Variants in TTLL11 observed in about 807,000 individuals in gnomAD.
TTLL11 encodes the protein tubulin tyrosine ligase like 11.
TTLL11 carries 42 observed loss-of-function variants against 51.7 expected under a neutral mutation model. The ratio of observed to expected loss-of-function variants is 0.81; its 90% CI spans 0.64 to 1.05. The LOEUF (loss-of-function observed/expected upper bound fraction) is 1.05, where lower values mean the gene tolerates loss of function less well. Ranked by LOEUF, TTLL11 falls within the 50% of genes least tolerant of loss-of-function variation. TTLL11 has a pLI of 0.00. For synonymous variants in TTLL11, 381 were observed against 383.5 expected (o/e 0.99, Z 0.08); for missense variants, 799 against 940.4 (o/e 0.85, Z 1.97).
chr9:121,840,050 G>A (rs7040163), intron 8 of TTLL11, among the ~76,000 whole-genome samples: 3,891 of 152,322 alleles, frequency 0.026, 104 homozygotes, highest in African/African-American at 0.072. Context: ...TTGTCACTTT[G>A]TCAGAGAGAA....
At chr9:121,934,134 G>A (rs941067655) in intron 6 of TTLL11, among the ~76,000 whole-genome samples, 1 of 152,100 alleles carries the variant, frequency 6.6e-6, no homozygotes, top group Non-Finnish European at 1.5e-5. Flanking sequence ...TTGGGAGGCT[G>A]AGGCAGGAGA....
At chr9:121,836,145 CT>C (rs1588057805) in intron 8 of TTLL11, among the ~76,000 whole-genome samples, 1 of 152,136 alleles carries the variant, frequency 6.6e-6, no homozygotes, top group African/African-American at 2.4e-5. Context: ...TTTATGGCCC[CT>C]GATTGTCTGT....
intron 6 of TTLL11, among the ~76,000 whole-genome samples, chr9:121,916,104 G>A (rs1840315924): frequency 6.6e-6 from 1 of 151,676 alleles, no homozygotes; most frequent in East Asian, 1.9e-4. Flanking sequence ...CATCATCAGA[G>A]GATTAATTAT....
At chr9:121,984,208 C>T (rs949739989) in intron 4 of TTLL11, among the ~76,000 whole-genome samples, 5 of 152,078 alleles carry the variant, frequency 3.3e-5, no homozygotes, top group African/African-American at 1.2e-4. Flanking sequence ...AGATGGTTTT[C>T]AAACTATACT....
chr9:122,007,818 TAACAGG>T (rs1321786519), intron 3 of TTLL11, among the ~76,000 whole-genome samples: 2 of 151,892 alleles, frequency 1.3e-5, no homozygotes, highest in Non-Finnish European at 2.9e-5. Flanking sequence ...GTCTGAGGAG[TAACAGG>T]ACATTACGTA....
intron 8 of TTLL11, among the ~76,000 whole-genome samples, chr9:121,846,549 T>C (rs1837519380): frequency 6.6e-6 from 1 of 152,250 alleles, no homozygotes; most frequent in South Asian, 2.1e-4. Flanking sequence ...CACACCTTTT[T>C]AACACATTTA....
At chr9:121,834,899 T>C (rs976341580) in intron 8 of TTLL11, among the ~76,000 whole-genome samples, 2 of 152,088 alleles carry the variant, frequency 1.3e-5, no homozygotes, top group East Asian at 3.9e-4. Flanking sequence ...CTCTCTCACC[T>C]CACTGGCCTG....
intron 6 of TTLL11, among the ~76,000 whole-genome samples, chr9:121,958,631 A>G (rs1842102610): frequency 6.6e-6 from 1 of 152,238 alleles, no homozygotes; most frequent in South Asian, 2.1e-4. Flanking sequence ...AACCGTTTCC[A>G]TGACCAGCAA....
intron 3 of TTLL11, among the ~76,000 whole-genome samples, chr9:122,011,977 G>T (rs1034878826): frequency 2.0e-5 from 3 of 152,140 alleles, no homozygotes; most frequent in Non-Finnish European, 4.4e-5. Context: ...AAGGACAAGA[G>T]AATCCTTTCA....
At position 121,816,573 on chromosome 9, in the gene TTLL11, CGTGTGTGCAT is replaced by C. The variant is rs1390650515; in HGVS notation, c.*6004_*6013del. The C allele has an allele frequency of 3.3e-5, 5 of 150,776 alleles. No individual in the cohort carries two copies. The highest frequency in any genetic ancestry group is 7.4e-5 in the African/African-American group (3 of 40,694). 9.3% of individuals were successfully genotyped at this position (150,776 alleles called of 1,614,324 possible). A position where few individuals can be genotyped will look rare whatever the true frequency, so the allele number is the denominator to read the frequency against. On this transcript the variant is annotated 3_prime_UTR_variant, in exon 9 of 9. Transcript: ENST00000321582. ...GTGCGCACGTGTGTGCATGCGTGTGCGTGTGTGCATGTGTGTGCGTGTGTGCATGTGTGCA... is the reference window on the plus strand; with the variant it reads ...GTGCGCACGTGTGTGCATGCGTGTGCGTGTGTGCGTGTGTGCATGTGTGCA...
chr9:121,868,146 G>A (rs1838237308), intron 7 of TTLL11, among the ~76,000 whole-genome samples: 1 of 152,116 alleles, frequency 6.6e-6, no homozygotes, highest in African/African-American at 2.4e-5. Context: ...TGTGCCCACA[G>A]ATGTCTTATG....
intron 1 of TTLL11, among the ~76,000 whole-genome samples, chr9:122,072,175 G>A (rs1267855487): frequency 6.6e-6 from 1 of 151,882 alleles, no homozygotes; most frequent in African/African-American, 2.4e-5. Context: ...AGAGTTCGAG[G>A]CCAGCCTGGG....
intron 6 of TTLL11, among the ~76,000 whole-genome samples, chr9:121,921,468 A>G (rs1321636487): frequency 1.3e-5 from 2 of 152,196 alleles, no homozygotes; most frequent in African/African-American, 2.4e-5. Context: ...AACTCGCCAC[A>G]GGATTCCTCT....
intron 8 of TTLL11, among the ~76,000 whole-genome samples, chr9:121,844,090 A>C (rs1253159780): frequency 8.5e-5 from 13 of 152,200 alleles, no homozygotes; most frequent in Non-Finnish European, 1.9e-4. Flanking sequence ...GCTAAGAAGC[A>C]CTTCTGAAAG....
At chr9:121,867,654 A>C (rs2131392135) in intron 7 of TTLL11, among the ~76,000 whole-genome samples, 2 of 151,796 alleles carry the variant, frequency 1.3e-5, no homozygotes, top group South Asian at 4.2e-4. Context: ...GCCTGGAAAA[A>C]TCCTGCTTTT....
At chr9:121,938,763 G>A (rs1465578446) in intron 6 of TTLL11, among the ~76,000 whole-genome samples, 1 of 143,564 alleles carries the variant, frequency 7.0e-6, no homozygotes, top group African/African-American at 2.7e-5. Flanking sequence ...CATTTGATAT[G>A]CCTCAGATTG....
chr9:122,078,942 T>G (rs1038507789), intron 1 of TTLL11, among the ~76,000 whole-genome samples: 10 of 152,204 alleles, frequency 6.6e-5, no homozygotes, highest in African/African-American at 2.2e-4. Flanking sequence ...GAAGAAAGTT[T>G]AGAGTACTGT....
At chr9:122,006,384 CT>C (rs202238281) in intron 3 of TTLL11, among the ~76,000 whole-genome samples, 5,229 of 149,574 alleles carry the variant, frequency 0.035, 145 homozygotes, top group South Asian at 0.057. Flanking sequence ...TTACATTTTG[CT>C]TTTTTTTTCT....
chr9:121,938,803 TGTTGGCAAGAAA>T (rs1320878426), intron 6 of TTLL11, among the ~76,000 whole-genome samples: 1 of 152,198 alleles, frequency 6.6e-6, no homozygotes, highest in East Asian at 1.9e-4. Context: ...CATAACCAGG[TGTTGGCAAGAAA>T]GTTGGCAATG....
Sources: gnomAD v4.1 joint callset for allele counts (sites outside exome capture counted in the v4.1 genomes callset) on GRCh38, gnomAD v4.1.1 for gene constraint, MANE v1.5 for transcripts, NCBI Gene and HGNC (gene_info 2026-07-23, HGNC 2026-07-21) for gene names.